Variants in NAV3 observed in about 807,000 individuals in gnomAD.
The protein encoded by NAV3 is neuron navigator 3, also known as pore membrane and/or filament interacting like protein 1.
In NAV3, 87 loss-of-function variants were observed where a neutral mutation model predicts 244.7. The observed-to-expected ratio is 0.36, with a 90% CI of 0.30 to 0.42. The LOEUF (loss-of-function observed/expected upper bound fraction) is 0.42, where lower values mean the gene tolerates loss of function less well. Among genes scored for constraint, NAV3 ranks in the 20% least tolerant of loss-of-function variants. The probability of loss-of-function intolerance (pLI) is 1.00; values close to 1 mark genes in which losing one functional copy is unlikely to be tolerated. For missense variants in NAV3, 2,663 were observed against 2,893.3 expected, an observed-to-expected ratio of 0.92 and a Z score of 1.83; for synonymous variants, 1,126 against 1,042.2, an observed-to-expected ratio of 1.08 and a Z score of -1.55.
Position 78,008,928 on chromosome 12 carries a change from AT to A in NAV3, c.1907+1484del, listed in dbSNP as rs1366379073. Among the ~76,000 whole-genome samples, 34 of 152,306 alleles carry A rather than the reference AT, an allele frequency of 2.2e-4. 1 individual carries two copies. The highest frequency in any genetic ancestry group is 2.0e-3 in the Admixed American group (30 of 15,306). ...ACATTTCAAAAACGTGAGAAAAAAAATCATGAAGTTTTAAATATGTCATACT... is the reference window on the plus strand; with the variant it reads ...ACATTTCAAAAACGTGAGAAAAAAAACATGAAGTTTTAAATATGTCATACT... On this transcript the variant is annotated intron_variant, in intron 8 of 39. Transcript: ENST00000397909.
intron 15 of NAV3, among the ~76,000 whole-genome samples, chr12:78,120,413 C>T (rs1409006885): frequency 6.6e-6 from 1 of 152,122 alleles, no homozygotes; most frequent in Non-Finnish European, 1.5e-5. Flanking sequence ...AAGTTGTTTT[C>T]CTTGTAACAG....
intron 8 of NAV3, among the ~76,000 whole-genome samples, chr12:78,012,593 T>C (rs1875498953): frequency 6.6e-6 from 1 of 151,992 alleles, no homozygotes; most frequent in African/African-American, 2.4e-5. Context: ...CAACCTATAT[T>C]GCTTTAGAAC....
chr12:77,964,802 T>A (rs1812713860), intron 3 of NAV3, among the ~76,000 whole-genome samples: 1 of 118,558 alleles, frequency 8.4e-6, no homozygotes, highest in African/African-American at 2.8e-5. Context: ...TTAATATAAA[T>A]TTTTTTTTCC....
chr12:77,647,996 A>AC (rs1333110070), intron 2 of NAV3, among the ~76,000 whole-genome samples: 2 of 152,278 alleles, frequency 1.3e-5, no homozygotes, highest in East Asian at 3.8e-4. Context: ...GCAGTTCAAA[A>AC]ATAATGACAC....
chr12:77,827,991 A>G (rs1396517097), upstream of NAV3, among the ~76,000 whole-genome samples: 1 of 152,204 alleles, frequency 6.6e-6, no homozygotes, highest in African/African-American at 2.4e-5. Context: ...CAATTCGCTT[A>G]AATATGACTC....
At chr12:77,773,931 A>G (rs1870225610) in intron 2 of NAV3, among the ~76,000 whole-genome samples, 1 of 152,170 alleles carries the variant, frequency 6.6e-6, no homozygotes, top group African/African-American at 2.4e-5. Flanking sequence ...GGACATTAGT[A>G]TGATTACTTT....
At chr12:77,954,994 G>A (rs1277421566) in intron 3 of NAV3, among the ~76,000 whole-genome samples, 1 of 152,020 alleles carries the variant, frequency 6.6e-6, no homozygotes. Context: ...CCTTAACAAG[G>A]CATGGAGGAT....
At chr12:77,650,962 C>A (rs1365673512) in intron 2 of NAV3, among the ~76,000 whole-genome samples, 3 of 151,968 alleles carry the variant, frequency 2.0e-5, no homozygotes, top group Non-Finnish European at 4.4e-5. Context: ...ATAAAAATTC[C>A]ATTTTTTATA....
chr12:77,896,103 C>T (rs546119198), intron 1 of NAV3, among the ~76,000 whole-genome samples: 1 of 152,094 alleles, frequency 6.6e-6, no homozygotes, highest in South Asian at 2.1e-4. Flanking sequence ...TTAATCACAT[C>T]TAATACCACT....
chr12:77,598,449 G>A lies in NAV3; in HGVS notation c.72+26183G>A, dbSNP rs144582980. On this transcript the variant is annotated intron_variant, in intron 2 of 8. Coordinates refer to the NAV3 transcript ENST00000550042. ...GCTTAATTTTTTAGGATACATTAGC[G>A]GAAGTGGAATTGTTAGATGACAGTA... Among the ~76,000 whole-genome samples, 11 of 152,070 alleles carry A rather than the reference G, an allele frequency of 7.2e-5. No individual in the cohort carries two copies. In the East Asian group the frequency reaches 7.7e-4, roughly 11 times the overall value.
chr12:77,633,861 A>G (rs1188065062), intron 2 of NAV3, among the ~76,000 whole-genome samples: 5 of 152,176 alleles, frequency 3.3e-5, no homozygotes, highest in Non-Finnish European at 5.9e-5. Context: ...CATCGAATTC[A>G]TGTATTTATT....
rs150613201 is a variant in NAV3 at position 77,887,123 on chromosome 12, G to A, written c.244-53196G>A. Among the ~76,000 whole-genome samples the A allele has an allele frequency of 4.2e-3, 640 of 152,244 alleles. 4 individuals carry two copies. The highest frequency in any genetic ancestry group is 0.014 in the African/African-American group (585 of 41,546). ...CTCACAGTGGCTTTTCAGCATAGGTGCATTTAATTAGGAAATTCAGTGATA... is the reference window on the plus strand; with the variant it reads ...CTCACAGTGGCTTTTCAGCATAGGTACATTTAATTAGGAAATTCAGTGATA... On this transcript the variant is annotated intron_variant, in intron 1 of 39. Coordinates refer to ENST00000397909, the MANE Select transcript of NAV3 (RefSeq NM_001024383.2).
chr12:78,040,291 A>T (rs1203455579), intron 9 of NAV3, among the ~76,000 whole-genome samples: 6 of 152,134 alleles, frequency 3.9e-5, no homozygotes, highest in Non-Finnish European at 8.8e-5. Context: ...CGTTGGAAAG[A>T]AAAGGTCCAT....
Position 78,210,791 on chromosome 12 carries a change from A to G in NAV3, c.*274A>G, listed in dbSNP as rs1368117038. 4 of 368,664 alleles carry G rather than the reference A, an allele frequency of 1.1e-5. No individual in the cohort carries two copies. The highest frequency in any genetic ancestry group is 2.0e-5 in the Non-Finnish European group (4 of 203,102). The allele number at this position is 368,664 out of a possible 1,614,324, so 22.8% of individuals were successfully genotyped here. A position where few individuals can be genotyped will look rare whatever the true frequency, so the allele number is the denominator to read the frequency against. On this transcript the variant is annotated 3_prime_UTR_variant, in exon 40 of 40. Coordinates refer to ENST00000397909, the MANE Select transcript of NAV3 (RefSeq NM_001024383.2). ...CTGGAAAGGACCCTAATGACAGGGCAACTGAACAGATTGCACATGGGATAG... is the reference window on the plus strand; with the variant it reads ...CTGGAAAGGACCCTAATGACAGGGCGACTGAACAGATTGCACATGGGATAG...
At chr12:77,690,108 A>G (rs553748973) in intron 2 of NAV3, among the ~76,000 whole-genome samples, 86 of 151,952 alleles carry the variant, frequency 5.7e-4, no homozygotes, top group Middle Eastern at 6.8e-3. Flanking sequence ...TCATCAGGTC[A>G]TCTGTATCAG....
chr12:77,663,139 A>C (rs1179624510), intron 2 of NAV3, among the ~76,000 whole-genome samples: 3 of 152,192 alleles, frequency 2.0e-5, no homozygotes, highest in African/African-American at 7.2e-5. Context: ...TAACAATCAG[A>C]GTCATTTTAG....
intron 12 of NAV3, among the ~76,000 whole-genome samples, chr12:78,105,276 A>G (rs945809646): frequency 1.3e-4 from 20 of 152,106 alleles, no homozygotes; most frequent in African/African-American, 4.8e-4. Flanking sequence ...ATTTGGTTCA[A>G]AATCCATCTT....
chr12:77,580,556 A>G (rs1869315758), intron 2 of NAV3, among the ~76,000 whole-genome samples: 1 of 152,246 alleles, frequency 6.6e-6, no homozygotes. Context: ...CCTTAGGATG[A>G]CACATTTGTT....
At chr12:77,993,924 G>T (rs564751679) in intron 5 of NAV3, among the ~76,000 whole-genome samples, 43 of 152,242 alleles carry the variant, frequency 2.8e-4, no homozygotes, top group African/African-American at 9.9e-4. Context: ...CAGGGTGTGT[G>T]CACATGTCCT....
Sources: allele counts gnomAD v4.1 joint callset (sites outside exome capture counted in the v4.1 genomes callset), GRCh38; gene constraint gnomAD v4.1.1; transcripts MANE v1.5; gene names NCBI Gene and HGNC (gene_info 2026-07-23, HGNC 2026-07-21).